FBXL7: variants seen among roughly 807,000 people sequenced by gnomAD.
FBXL7 encodes the protein F-box and leucine rich repeat protein 7.
FBXL7 carries 12 observed loss-of-function variants against 38.3 expected under a neutral mutation model. The ratio of observed to expected loss-of-function variants is 0.31; its 90% CI spans 0.20 to 0.51. FBXL7 has a LOEUF of 0.51. Among genes scored for constraint, FBXL7 ranks in the 20% least tolerant of loss-of-function variants. The pLI, the probability that FBXL7 is intolerant of heterozygous loss-of-function variation, is 0.98. For synonymous variants in FBXL7, 297 were observed against 300.9 expected, an observed-to-expected ratio of 0.99 and a Z score of 0.13; for missense variants, 567 against 676.4, an observed-to-expected ratio of 0.84 and a Z score of 1.79.
At chr5:15,753,612 CCTT>C (rs1290611154) in intron 2 of FBXL7, among the ~76,000 whole-genome samples, 3 of 152,212 alleles carry the variant, frequency 2.0e-5, no homozygotes, top group Middle Eastern at 3.4e-3. Flanking sequence ...TTGTTTTTCT[CCTT>C]TCAGAACTTT....
chr5:15,917,986 C>T (rs1003683074), intron 2 of FBXL7, among the ~76,000 whole-genome samples: 2 of 152,102 alleles, frequency 1.3e-5, no homozygotes, highest in South Asian at 2.1e-4. Flanking sequence ...TGCCTGTAAT[C>T]CCAGCACTTT....
chr5:15,665,413 T>C (rs1236471498), intron 2 of FBXL7, among the ~76,000 whole-genome samples: 1 of 152,208 alleles, frequency 6.6e-6, no homozygotes, highest in Non-Finnish European at 1.5e-5. Flanking sequence ...CTTCCTCCTG[T>C]GATCTGCCAA....
At chr5:15,898,477 G>A (rs527908292) in intron 2 of FBXL7, among the ~76,000 whole-genome samples, 1 of 152,242 alleles carries the variant, frequency 6.6e-6, no homozygotes, top group South Asian at 2.1e-4. Context: ...AAGCAGAAGG[G>A]ATATCCTGCC....
intron 2 of FBXL7, among the ~76,000 whole-genome samples, chr5:15,700,819 A>G (rs1743496939): frequency 6.6e-6 from 1 of 152,098 alleles, no homozygotes. Flanking sequence ...TTTTTTCTAC[A>G]GTATCATTGT....
At chr5:15,640,551 T>A (rs76124612) in intron 2 of FBXL7, among the ~76,000 whole-genome samples, 1 of 143,138 alleles carries the variant, frequency 7.0e-6, no homozygotes, top group Non-Finnish European at 1.5e-5. Flanking sequence ...TTTGAGGGAG[T>A]CTTGCTCTGT....
At chr5:15,646,706 G>A (rs900715321) in intron 2 of FBXL7, among the ~76,000 whole-genome samples, 15 of 152,168 alleles carry the variant, frequency 9.9e-5, no homozygotes, top group Non-Finnish European at 1.0e-4. Context: ...TGTTAACGGT[G>A]TGTTACCATG....
chr5:15,558,239 T>C (rs1010471343), intron 1 of FBXL7, among the ~76,000 whole-genome samples: 10 of 152,256 alleles, frequency 6.6e-5, no homozygotes, highest in African/African-American at 2.4e-4. Context: ...GATGATCTTA[T>C]TAACAGCACC....
intron 2 of FBXL7, among the ~76,000 whole-genome samples, chr5:15,893,532 T>C (rs1486647278): frequency 6.6e-6 from 1 of 152,174 alleles, no homozygotes; most frequent in Admixed American, 6.5e-5. Context: ...ATAGTAAGCA[T>C]AGTACCTATT....
intron 1 of FBXL7, among the ~76,000 whole-genome samples, chr5:15,535,779 A>G (rs1318575522): frequency 1.3e-5 from 2 of 152,258 alleles, no homozygotes; most frequent in Admixed American, 1.3e-4. Context: ...TGACTATGTG[A>G]TAGAAAAGAA....
chr5:15,813,862 C>A, intron 2 of FBXL7, among the ~76,000 whole-genome samples: 1 of 152,040 alleles, frequency 6.6e-6, no homozygotes, highest in African/African-American at 2.4e-5. Context: ...AAATGCAAAT[C>A]AAAAGCACAA....
intron 2 of FBXL7, among the ~76,000 whole-genome samples, chr5:15,664,785 G>A (rs1742213847): frequency 6.6e-6 from 1 of 151,704 alleles, no homozygotes; most frequent in Non-Finnish European, 1.5e-5. Context: ...TTTTCTTCAA[G>A]CGTCCTAACT....
At chr5:15,623,370 T>G (rs1161399012) in intron 2 of FBXL7, among the ~76,000 whole-genome samples, 1 of 152,246 alleles carries the variant, frequency 6.6e-6, no homozygotes, top group East Asian at 1.9e-4. Context: ...AATACCGCTT[T>G]GCGATATTGT....
At chr5:15,615,830 A>G (rs1740428969) in intron 1 of FBXL7, among the ~76,000 whole-genome samples, 153 bp from the exon 2 acceptor site, 1 of 152,222 alleles carries the variant, frequency 6.6e-6, no homozygotes, top group African/African-American at 2.4e-5. Context: ...TATTTAATGC[A>G]TAAGGCAAAA....
chr5:15,676,081 C>T (rs920231719), intron 2 of FBXL7, among the ~76,000 whole-genome samples: 1 of 152,154 alleles, frequency 6.6e-6, no homozygotes, highest in East Asian at 1.9e-4. Flanking sequence ...TCTCCTCTCC[C>T]GATCTGGAAT....
intron 2 of FBXL7, among the ~76,000 whole-genome samples, chr5:15,864,232 A>T (rs1318038513): frequency 6.7e-6 from 1 of 148,826 alleles, no homozygotes. Flanking sequence ...TTGTAAATCA[A>T]ACAAACTTTT....
At chr5:15,698,051 G>T (rs1311878544) in intron 2 of FBXL7, among the ~76,000 whole-genome samples, 3 of 152,118 alleles carry the variant, frequency 2.0e-5, no homozygotes, top group African/African-American at 7.2e-5. Flanking sequence ...TTGAAAGCGC[G>T]ATATTTTTTC....
intron 2 of FBXL7, among the ~76,000 whole-genome samples, chr5:15,904,409 T>C (rs1393382050): frequency 1.3e-5 from 2 of 152,170 alleles, no homozygotes; most frequent in African/African-American, 4.8e-5. Flanking sequence ...ATAAACTCTT[T>C]GTGGATTTTG....
intron 2 of FBXL7, among the ~76,000 whole-genome samples, chr5:15,724,798 T>C (rs952769575): frequency 6.6e-6 from 1 of 152,212 alleles, no homozygotes; most frequent in Non-Finnish European, 1.5e-5. Flanking sequence ...TTTGCAAATA[T>C]ATTTATAAAT....
At chr5:15,541,460 TATATATATATATATATATATAA>T (rs1272939889) in intron 1 of FBXL7, among the ~76,000 whole-genome samples, 6 of 122,724 alleles carry the variant, frequency 4.9e-5, no homozygotes, top group African/African-American at 1.8e-4. Context: ...TATATATATA[TATATATATATATATATATATAA>T]AGGTATAGCC....
Sources: allele counts gnomAD v4.1 joint callset (sites outside exome capture counted in the v4.1 genomes callset), GRCh38; gene constraint gnomAD v4.1.1; transcripts MANE v1.5; gene names NCBI Gene and HGNC (gene_info 2026-07-23, HGNC 2026-07-21).